FOXJ3: variants seen among roughly 807,000 people sequenced by gnomAD.
The protein encoded by FOXJ3 is forkhead box J3, also known as forkhead box protein J3.
In FOXJ3, 22 loss-of-function variants were observed where a neutral mutation model predicts 76.1. The ratio of observed to expected loss-of-function variants is 0.29; its 90% CI spans 0.21 to 0.41. The LOEUF (loss-of-function observed/expected upper bound fraction) is 0.41. Ranked by LOEUF, FOXJ3 falls within the 10% of genes least tolerant of loss-of-function variation. The probability of loss-of-function intolerance (pLI) is 1.00; values close to 1 mark genes in which losing one functional copy is unlikely to be tolerated. For missense variants in FOXJ3, 613 were observed against 762.1 expected, an observed-to-expected ratio of 0.80 and a Z score of 2.30; for synonymous variants, 269 against 261.2, an observed-to-expected ratio of 1.03 and a Z score of -0.29.
At chr1:42,311,624 C>G (rs904122878) in intron 1 of FOXJ3, among the ~76,000 whole-genome samples, 3 of 115,780 alleles carry the variant, frequency 2.6e-5, no homozygotes, top group African/African-American at 1.0e-4. Context: ...ATCTAAGAAA[C>G]AAACAGTTCC....
At chr1:42,330,351 C>A (rs1219295620) in intron 1 of FOXJ3, among the ~76,000 whole-genome samples, 1 of 152,156 alleles carries the variant, frequency 6.6e-6, no homozygotes, top group African/African-American at 2.4e-5. Context: ...GGAAGAAAAT[C>A]AGTGGGCTGA....
chr1:42,239,074 T>G (rs1648925350), intron 4 of FOXJ3, among the ~76,000 whole-genome samples: 1 of 152,220 alleles, frequency 6.6e-6, no homozygotes, highest in Admixed American at 6.5e-5. Context: ...AACTTCATTT[T>G]CCAAGCATTC....
chr1:42,323,646 T>C (rs1655562363), intron 1 of FOXJ3: 1 of 936,928 alleles, frequency 1.1e-6, no homozygotes. Context: ...TTAGTATCTG[T>C]ACCCATTTCT....
At chr1:42,197,473 G>C (rs1646674005) in intron 7 of FOXJ3, among the ~76,000 whole-genome samples, 1 of 152,048 alleles carries the variant, frequency 6.6e-6, no homozygotes. Flanking sequence ...TCTAGATACA[G>C]CAGTCCTTTG....
chr1:42,268,441 G>T (rs2124639691), intron 3 of FOXJ3, among the ~76,000 whole-genome samples: 1 of 152,150 alleles, frequency 6.6e-6, no homozygotes, highest in Admixed American at 6.5e-5. Flanking sequence ...TCTTTTGGCA[G>T]AAGTATGAAA....
rs1646222447 is a variant in FOXJ3 at position 42,176,751 on chromosome 1, C to G, written c.*2959G>C. Reference sequence around the variant, plus strand: ...AAACACTGACTGTCCAACAGCAGTACAGAGAGCAGGTTGTATCTGCACAAA... The same window carrying G: ...AAACACTGACTGTCCAACAGCAGTAGAGAGAGCAGGTTGTATCTGCACAAA... On this transcript the variant is annotated 3_prime_UTR_variant, in exon 13 of 13. Transcript: ENST00000361346. 1.3e-5 allele frequency: 2 copies of G among 152,598 alleles called. No individual in the cohort carries two copies. Among genetic ancestry groups the G allele is most frequent in the African/African-American group, 4.8e-5 (2 of 41,438 alleles). The allele number at this position is 152,598 out of a possible 1,614,324, so 9.5% of individuals were successfully genotyped here.
intron 4 of FOXJ3, among the ~76,000 whole-genome samples, chr1:42,254,955 A>G (rs188144304): frequency 5.3e-5 from 8 of 152,196 alleles, no homozygotes; most frequent in Non-Finnish European, 8.8e-5. Context: ...CCTAAAACTT[A>G]AAGTATAATA....
chr1:42,238,729 GTCT>G (rs760916320), intron 4 of FOXJ3, among the ~76,000 whole-genome samples: 2 of 152,030 alleles, frequency 1.3e-5, no homozygotes, highest in African/African-American at 2.4e-5. Flanking sequence ...TGGCAAATTT[GTCT>G]TCTTCTTTGT....
intron 11 of FOXJ3, among the ~76,000 whole-genome samples, chr1:42,183,647 T>TTCA (rs1207661721): frequency 2.6e-5 from 4 of 152,002 alleles, no homozygotes; most frequent in African/African-American, 9.7e-5. Flanking sequence ...ACACTTGAAT[T>TTCA]CTAGTAATGT....
intron 2 of FOXJ3, among the ~76,000 whole-genome samples, chr1:42,284,105 T>G (rs1018652982): frequency 2.0e-5 from 3 of 152,152 alleles, no homozygotes; most frequent in African/African-American, 7.2e-5. Context: ...TACAGAATTT[T>G]AACGTATGTA....
rs71065112 is a variant in FOXJ3, at chr1:42,280,438, T to TAAAAAAAAA, written c.45-1775_45-1767dup. On this transcript the variant is annotated intron_variant, in intron 2 of 12. Coordinates refer to ENST00000361346, the MANE Select transcript of FOXJ3 (RefSeq NM_014947.5). Reference sequence around the variant, plus strand: ...ATCCATATAGCATCTTCAGAGATCTTAAAAAAAAAAAAAAAAAAAAAAAAA... The same window carrying TAAAAAAAAA: ...ATCCATATAGCATCTTCAGAGATCTTAAAAAAAAAAAAAAAAAAAAAAAAAAAAAAAAAA... The TAAAAAAAAA allele has an allele frequency of 5.7e-4, 44 of 77,582 alleles. 5 individuals carry two copies. Among genetic ancestry groups the TAAAAAAAAA allele is most frequent in the South Asian group, 6.6e-4 (1 of 1,504 alleles). 4.8% of individuals were successfully genotyped at this position (77,582 alleles called of 1,614,324 possible). A position where few individuals can be genotyped will look rare whatever the true frequency, so the allele number is the denominator to read the frequency against.
intron 5 of FOXJ3, among the ~76,000 whole-genome samples, chr1:42,225,763 C>T (rs1218758652): frequency 6.6e-6 from 1 of 151,994 alleles, no homozygotes; most frequent in Non-Finnish European, 1.5e-5. Flanking sequence ...AATATATGTC[C>T]AAAATGTACA....
chr1:42,311,939 C>G (rs1295947758), intron 1 of FOXJ3, among the ~76,000 whole-genome samples: 1 of 152,122 alleles, frequency 6.6e-6, no homozygotes, highest in African/African-American at 2.4e-5. Context: ...GGGAGGGTAT[C>G]AATATTTTCA....
At chr1:42,239,197 A>G (rs554216578) in intron 4 of FOXJ3, among the ~76,000 whole-genome samples, 3 of 152,278 alleles carry the variant, frequency 2.0e-5, no homozygotes, top group African/African-American at 7.2e-5. Flanking sequence ...AATGTTTGCA[A>G]ATAAAGACAA....
rs1646245448 is a variant in FOXJ3 at position 42,177,928 on chromosome 1, C to T, written c.*1782G>A. On this transcript the variant is annotated 3_prime_UTR_variant, in exon 13 of 13. Coordinates refer to ENST00000361346, the MANE Select transcript of FOXJ3 (RefSeq NM_014947.5). ...GAGATGCTAAAAAGCAACTAGTGAG[C>T]AGTTATTACTCTTTGACTTGATGGA... 1 of 152,462 alleles carries T rather than the reference C, an allele frequency of 6.6e-6. No individual in the cohort carries two copies. The highest frequency in any genetic ancestry group is 2.4e-5 in the African/African-American group (1 of 41,402). The allele number at this position is 152,462 out of a possible 1,614,324, so 9.4% of individuals were successfully genotyped here.
chr1:42,315,465 C>T, intron 1 of FOXJ3: 3 of 934,986 alleles, frequency 3.2e-6, no homozygotes, highest in Non-Finnish European at 3.8e-6. Flanking sequence ...ACTGTCCAAA[C>T]ACCAACACCC....
chr1:42,202,102 C>T (rs149011331), intron 6 of FOXJ3, among the ~76,000 whole-genome samples: 1 of 152,216 alleles, frequency 6.6e-6, no homozygotes, highest in African/African-American at 2.4e-5. Context: ...ACTTTAATAG[C>T]ACCTTTCTGT....
intron 5 of FOXJ3, among the ~76,000 whole-genome samples, chr1:42,217,949 C>T (rs778813096): frequency 5.3e-5 from 8 of 152,220 alleles, no homozygotes; most frequent in Non-Finnish European, 1.0e-4. Flanking sequence ...TGATCTCCAT[C>T]TCTAACCAGA....
intron 2 of FOXJ3, among the ~76,000 whole-genome samples, chr1:42,288,163 C>G (rs1208209148): frequency 6.6e-6 from 1 of 152,128 alleles, no homozygotes; most frequent in Non-Finnish European, 1.5e-5. Context: ...GCATTTAAAT[C>G]TCACCCTATT....
Sources: gnomAD v4.1 joint callset for allele counts (sites outside exome capture counted in the v4.1 genomes callset) on GRCh38, gnomAD v4.1.1 for gene constraint, MANE v1.5 for transcripts, NCBI Gene and HGNC (gene_info 2026-07-23, HGNC 2026-07-21) for gene names.